Variants in NTF3 observed in about 807,000 individuals in gnomAD.
NTF3 encodes neurotrophin-3.
NTF3 carries 8 observed loss-of-function variants against 26.3 expected under a neutral mutation model. That is an observed-to-expected ratio of 0.30 (90% CI 0.18 to 0.55). The LOEUF (loss-of-function observed/expected upper bound fraction) is 0.55. NTF3 is among the 20% of genes least tolerant of loss of function. NTF3 has a pLI of 0.93. For synonymous variants in NTF3, 154 were observed against 145.5 expected (o/e 1.06, Z -0.42); for missense variants, 276 against 352.9 (o/e 0.78, Z 1.75).
At chr12:5,448,052 C>T (rs1334022272) in intron 1 of NTF3, among the ~76,000 whole-genome samples, 4 of 152,230 alleles carry the variant, frequency 2.6e-5, no homozygotes, top group African/African-American at 9.6e-5. Context: ...TCCCCTACTT[C>T]GTCCCCAGCT....
intron 1 of NTF3, among the ~76,000 whole-genome samples, chr12:5,489,276 GC>G (rs764117612): frequency 5.9e-5 from 9 of 152,232 alleles, no homozygotes; most frequent in Non-Finnish European, 8.8e-5. Context: ...TAGAGCTGAG[GC>G]TTCTTGGGGA....
intron 1 of NTF3, among the ~76,000 whole-genome samples, chr12:5,472,368 T>G (rs1940676233): frequency 6.6e-6 from 1 of 152,184 alleles, no homozygotes; most frequent in Non-Finnish European, 1.5e-5. Context: ...AGAAAAATTA[T>G]TTACCCTTCG....
At chr12:5,441,035 G>C (rs1399427497) in intron 1 of NTF3, among the ~76,000 whole-genome samples, 1 of 152,188 alleles carries the variant, frequency 6.6e-6, no homozygotes, top group Non-Finnish European at 1.5e-5. Flanking sequence ...GGGAGTATGC[G>C]AGAGGTTTAT....
At chr12:5,439,008 T>A (rs1333929446) in intron 1 of NTF3, among the ~76,000 whole-genome samples, 1 of 152,116 alleles carries the variant, frequency 6.6e-6, no homozygotes, top group Admixed American at 6.5e-5. Context: ...GTGCAAAAAA[T>A]TTGCCAGAGT....
chr12:5,462,472 A>C (rs1186338858), intron 1 of NTF3, among the ~76,000 whole-genome samples: 1 of 152,238 alleles, frequency 6.6e-6, no homozygotes, highest in Non-Finnish European at 1.5e-5. Context: ...AAGTAAGATA[A>C]TATATAACAT....
rs56032205 is a variant in NTF3, at chr12:5,452,096, C to CTTT, written c.18+19769_18+19771dup. The stretch of plus-strand genomic sequence containing the variant: ...GTATCTCCCCATGTCTTTTTCTTTT[C>CTTT]TTTTTTTTTTTTTTTTTGTTGACGG... On this transcript the variant is annotated intron_variant, in intron 1 of 1. Coordinates refer to ENST00000423158, the MANE Select transcript of NTF3 (RefSeq NM_001102654.2). 3.6e-3 allele frequency among the ~76,000 whole-genome samples: 453 copies of CTTT among 126,970 alleles called. 1 individual carries two copies. The highest frequency in any genetic ancestry group is 0.012 in the African/African-American group (424 of 34,140). The allele number at this position is 126,970 out of a possible 152,430, so 83.3% of individuals were successfully genotyped here. A position where few individuals can be genotyped will look rare whatever the true frequency, so the allele number is the denominator to read the frequency against.
chr12:5,459,677 T>C (rs1217920742), intron 1 of NTF3, among the ~76,000 whole-genome samples: 1 of 152,204 alleles, frequency 6.6e-6, no homozygotes, highest in African/African-American at 2.4e-5. Flanking sequence ...AGACGCAGGT[T>C]ATCAAGGTGC....
At chr12:5,487,839 A>C (rs761816801) in intron 1 of NTF3, among the ~76,000 whole-genome samples, 1 of 152,242 alleles carries the variant, frequency 6.6e-6, no homozygotes, top group Non-Finnish European at 1.5e-5. Flanking sequence ...AGGCCTCACC[A>C]AATACCAACA....
Position 5,477,819 on chromosome 12 carries a change from G to A in NTF3, c.19-16375G>A, listed in dbSNP as rs190601308. ...TTAGGATGGCATTGTTTAGGACACA[G>A]GACTGCAAAAAAGGGAAGTTCCAGC... On this transcript the variant is annotated intron_variant, in intron 1 of 1. Coordinates refer to ENST00000423158, the MANE Select transcript of NTF3 (RefSeq NM_001102654.2). Among the ~76,000 whole-genome samples the A allele has an allele frequency of 3.8e-3, 573 of 152,100 alleles. 18 individuals carry two copies. Among genetic ancestry groups the A allele is most frequent in the Admixed American group, 0.034 (520 of 15,288 alleles).
Position 5,433,879 on chromosome 12 carries a change from G to T in NTF3, c.18+1537G>T, listed in dbSNP as rs990820947. Among the ~76,000 whole-genome samples the T allele has an allele frequency of 2.0e-5, 3 of 152,172 alleles. No individual in the cohort carries two copies. The highest frequency in any genetic ancestry group is 2.9e-5 in the Non-Finnish European group (2 of 68,024). ...CTGAGAGGGGAGGGGAGCCTGGAAG[G>T]GGTGGGTGTTTCTCCTGGAGCCTGA... On this transcript the variant is annotated intron_variant, in intron 1 of 1. Transcript: ENST00000423158. The surrounding 1 kb of genome is among the most constrained non-coding windows in gnomAD (Gnocchi z 4.6).
chr12:5,491,363 ACACT>A (rs1394323122), intron 1 of NTF3, among the ~76,000 whole-genome samples: 1 of 152,230 alleles, frequency 6.6e-6, no homozygotes, highest in African/African-American at 2.4e-5. Context: ...GAGTTTAGAA[ACACT>A]CACCAGCCTG....
intron 1 of NTF3, among the ~76,000 whole-genome samples, chr12:5,441,911 T>C (rs1940242470): frequency 1.3e-5 from 2 of 152,234 alleles, no homozygotes; most frequent in Admixed American, 1.3e-4. Context: ...CTTAGCCTGC[T>C]TAGTTCTCCT....
chr12:5,466,559 A>C (rs1271024297), intron 1 of NTF3, among the ~76,000 whole-genome samples: 2 of 152,220 alleles, frequency 1.3e-5, no homozygotes, highest in Non-Finnish European at 2.9e-5. Flanking sequence ...ATGTGTGTGC[A>C]AACACTCATG....
Position 5,456,710 on chromosome 12 carries a change from G to A in NTF3, c.18+24368G>A, listed in dbSNP as rs951178850. On this transcript the variant is annotated intron_variant, in intron 1 of 1. Coordinates refer to ENST00000423158, the MANE Select transcript of NTF3 (RefSeq NM_001102654.2). This position sits in a 1 kb window ranked among gnomAD's most constrained non-coding sequence, Gnocchi z 4.4. ...GGTTTGTGTAAGATTCCCTCCCACG[G>A]TTCAGCACAGATGGGATGACAAGGA... is the stretch of plus-strand genomic sequence containing the variant. Among the ~76,000 whole-genome samples the A allele has an allele frequency of 8.5e-5, 13 of 152,188 alleles. No homozygotes were observed. The highest frequency in any genetic ancestry group is 1.8e-4 in the Non-Finnish European group (12 of 68,036).
intron 1 of NTF3, among the ~76,000 whole-genome samples, chr12:5,452,683 G>A (rs1432084325): frequency 3.3e-5 from 5 of 152,160 alleles, no homozygotes; most frequent in African/African-American, 9.7e-5. Context: ...GGGGCTGATG[G>A]TTACCACAGG....
At chr12:5,438,243 G>A (rs1565383131) in intron 1 of NTF3, among the ~76,000 whole-genome samples, 1 of 151,678 alleles carries the variant, frequency 6.6e-6, no homozygotes, top group Non-Finnish European at 1.5e-5. Flanking sequence ...AGTATTTTTT[G>A]TTGTTGTTAA....
intron 1 of NTF3, among the ~76,000 whole-genome samples, chr12:5,481,280 G>C (rs990978134): frequency 2.6e-5 from 4 of 152,026 alleles, no homozygotes; most frequent in African/African-American, 9.7e-5. Context: ...GCTGGGAGTA[G>C]ACGCAGGCTC....
At chr12:5,481,245 G>C (rs1940788547) in intron 1 of NTF3, among the ~76,000 whole-genome samples, 1 of 152,066 alleles carries the variant, frequency 6.6e-6, no homozygotes, top group East Asian at 1.9e-4. Flanking sequence ...GACTTGCCCA[G>C]GGACTCACAG....
intron 1 of NTF3, among the ~76,000 whole-genome samples, chr12:5,453,999 T>C (rs1591595822): frequency 6.6e-6 from 1 of 152,166 alleles, no homozygotes; most frequent in South Asian, 2.1e-4. Flanking sequence ...GCATGGCAGG[T>C]AGCCTAAGAC....
Sources: gnomAD v4.1 joint callset for allele counts (sites outside exome capture counted in the v4.1 genomes callset) on GRCh38, gnomAD v4.1.1 for gene constraint, Gnocchi (gnomAD v3.1) non-coding constraint, MANE v1.5 for transcripts, NCBI Gene and HGNC (gene_info 2026-07-23, HGNC 2026-07-21) for gene names.